The following XYLT1 variants were observed in gnomAD, a reference collection of about 807,000 sequenced individuals.
XYLT1 encodes the protein xylosyltransferase 1.
Under a neutral mutation model 91.3 loss-of-function variants are expected in XYLT1, and 36 were observed. The observed-to-expected ratio is 0.39, with a 90% confidence interval of 0.30 to 0.52. The LOEUF (loss-of-function observed/expected upper bound fraction) is 0.52, where lower values mean the gene tolerates loss of function less well. Ranked by LOEUF, XYLT1 falls within the 20% of genes least tolerant of loss-of-function variation. XYLT1 has a pLI of 0.68. For synonymous variants in XYLT1, 588 were observed against 532.0 expected (o/e 1.11, Z -1.45); for missense variants, 1,242 against 1,284.5 (o/e 0.97, Z 0.51).
intron 1 of XYLT1, among the ~76,000 whole-genome samples, chr16:17,397,984 G>A (rs528160665): frequency 3.0e-4 from 46 of 151,956 alleles, no homozygotes; most frequent in African/African-American, 1.0e-3. Flanking sequence ...CACCATTCCC[G>A]GCTAATTTTT....
intron 5 of XYLT1, among the ~76,000 whole-genome samples, chr16:17,170,371 C>T (rs1390937387): frequency 6.6e-6 from 1 of 152,174 alleles, no homozygotes; most frequent in Non-Finnish European, 1.5e-5. Flanking sequence ...CTATGTTCCC[C>T]AACTGTCCAG....
rs374327124 is a variant in XYLT1 at position 17,200,558 on chromosome 16, C to T, written c.1010G>A (p.Arg337His). 50 of 1,614,038 alleles carry T rather than the reference C, an allele frequency of 3.1e-5. No homozygotes were observed. In the East Asian group the frequency reaches 7.6e-4, roughly 24 times the overall value. Residue 337 changes from arginine (R) to histidine (H), a missense_variant, in exon 4 of 12, where the codon CGT becomes CAT. Transcript: ENST00000261381. Reference protein sequence around the residue: ...RIAFVLVVHGRASRQLQRMFK... With the variant: ...RIAFVLVVHGHASRQLQRMFK... ...CATGCGCTGCAACTGCCGAGAGGCA[C>T]GGCCGTGGACCACCAGGACAAAGGC...
chr16:17,181,395 C>CAG (rs1738543434), intron 5 of XYLT1, among the ~76,000 whole-genome samples: 1 of 152,200 alleles, frequency 6.6e-6, no homozygotes, highest in African/African-American at 2.4e-5. Flanking sequence ...AAAGTGACCA[C>CAG]ACAAGGCCAG....
intron 1 of XYLT1, among the ~76,000 whole-genome samples, chr16:17,368,172 G>A (rs1173162839): frequency 2.0e-5 from 3 of 152,296 alleles, no homozygotes; most frequent in Middle Eastern, 3.4e-3. Context: ...GAGGTGGGGA[G>A]TGGAGAGCTT....
At chr16:17,381,016 G>A (rs567592803) in intron 1 of XYLT1, among the ~76,000 whole-genome samples, 72 of 152,334 alleles carry the variant, frequency 4.7e-4, no homozygotes, top group African/African-American at 1.4e-3. Context: ...AGTGGACAAT[G>A]AGGGGCTATA....
chr16:17,317,906 G>T (rs912373414), intron 2 of XYLT1, among the ~76,000 whole-genome samples: 1 of 152,106 alleles, frequency 6.6e-6, no homozygotes, highest in Non-Finnish European at 1.5e-5. Flanking sequence ...TGCCTGGAAT[G>T]CTTTTCCCTG....
At chr16:17,400,272 A>G (rs2035946755) in intron 1 of XYLT1, among the ~76,000 whole-genome samples, 1 of 152,142 alleles carries the variant, frequency 6.6e-6, no homozygotes, top group Admixed American at 6.6e-5. Flanking sequence ...AACACAAATT[A>G]TAGTACCTAC....
At chr16:17,466,634 A>C (rs369715106) in intron 1 of XYLT1, among the ~76,000 whole-genome samples, 2 of 152,238 alleles carry the variant, frequency 1.3e-5, no homozygotes, top group African/African-American at 4.8e-5. Flanking sequence ...TTAAAAAATG[A>C]ATTGATAAAC....
intron 1 of XYLT1, among the ~76,000 whole-genome samples, chr16:17,360,137 C>T (rs750807134): frequency 1.1e-4 from 16 of 152,186 alleles, no homozygotes; most frequent in Non-Finnish European, 2.1e-4. Flanking sequence ...GCCTCAATCT[C>T]CAAGCCAAGT....
chr16:17,180,754 G>A (rs533143412), intron 5 of XYLT1, among the ~76,000 whole-genome samples: 1 of 152,304 alleles, frequency 6.6e-6, no homozygotes, highest in African/African-American at 2.4e-5. Context: ...CTAGATTCCA[G>A]GTTCTAGAGA....
chr16:17,343,630 G>C (rs4781999), intron 2 of XYLT1, among the ~76,000 whole-genome samples: 97,083 of 151,950 alleles, frequency 0.64, 31,966 homozygotes, highest in African/African-American at 0.76. Context: ...GCCACTACAC[G>C]CAGATTATGT....
rs146932471 is a variant in XYLT1, at chr16:17,438,064, C to A, written c.363+32370G>T. On this transcript the variant is annotated intron_variant, in intron 1 of 11. Transcript: ENST00000261381. ...ATTAAAGAAATGGAAAAGACGAAAACCTTTCCCACTGGGTAGAAGGAAGGA... is the reference window on the plus strand; with the variant it reads ...ATTAAAGAAATGGAAAAGACGAAAAACTTTCCCACTGGGTAGAAGGAAGGA... 3.1e-3 allele frequency among the ~76,000 whole-genome samples: 465 copies of A among 152,268 alleles called. 5 individuals are homozygous for A. Among genetic ancestry groups the A allele is most frequent in the Admixed American group, 0.024 (367 of 15,302 alleles).
chr16:17,176,672 C>T (rs939212138), intron 5 of XYLT1, among the ~76,000 whole-genome samples: 1 of 152,200 alleles, frequency 6.6e-6, no homozygotes, highest in Admixed American at 6.5e-5. Flanking sequence ...ATAAGGTATG[C>T]TGCAGAAAAG....
At chr16:17,190,226 C>T (rs2032278111) in intron 5 of XYLT1, among the ~76,000 whole-genome samples, 1 of 152,160 alleles carries the variant, frequency 6.6e-6, no homozygotes, top group African/African-American at 2.4e-5. Flanking sequence ...TTGCCTGACA[C>T]TGTGAATGTA....
At chr16:17,166,514 A>AC (rs1480199783) in intron 5 of XYLT1, among the ~76,000 whole-genome samples, 2 of 146,756 alleles carry the variant, frequency 1.4e-5, no homozygotes, top group Admixed American at 1.3e-4. Context: ...TCCATCATTC[A>AC]CTTTTTTTTT....
intron 2 of XYLT1, among the ~76,000 whole-genome samples, chr16:17,334,210 C>A (rs2034944639): frequency 1.3e-5 from 2 of 152,186 alleles, no homozygotes; most frequent in Non-Finnish European, 2.9e-5. Context: ...CTGTAACTTA[C>A]TCAGCAGCAT....
At chr16:17,459,430 C>G (rs924587151) in intron 1 of XYLT1, among the ~76,000 whole-genome samples, 4 of 152,092 alleles carry the variant, frequency 2.6e-5, no homozygotes, top group Admixed American at 2.0e-4. Flanking sequence ...CGAATAGTAA[C>G]TTTTTATAAA....
At chr16:17,247,422 T>A (rs896050114) in intron 3 of XYLT1, among the ~76,000 whole-genome samples, 28 of 152,190 alleles carry the variant, frequency 1.8e-4, no homozygotes, top group African/African-American at 1.4e-4. Flanking sequence ...GAGTCTCCCA[T>A]GCCCACCTGC....
At chr16:17,194,642 C>T (rs1283981075) in intron 5 of XYLT1, among the ~76,000 whole-genome samples, 1 of 152,226 alleles carries the variant, frequency 6.6e-6, no homozygotes, top group Non-Finnish European at 1.5e-5. Context: ...CTGTTTCCTT[C>T]TGTGCTTTCA....
Sources: gnomAD v4.1 joint callset for allele counts (sites outside exome capture counted in the v4.1 genomes callset) on GRCh38, gnomAD v4.1.1 for gene constraint, MANE v1.5 for transcripts, NCBI Gene and HGNC (gene_info 2026-07-23, HGNC 2026-07-21) for gene names.